The following IPMK variants were observed in gnomAD, a reference collection of about 807,000 sequenced individuals.
IPMK encodes the protein inositol 1,3,4,6-tetrakisphosphate 5-kinase.
A neutral mutation model predicts 45.8 loss-of-function variants in IPMK; 17 were observed. The observed-to-expected ratio is 0.37, with a 90% CI of 0.25 to 0.56. The LOEUF is 0.56. Among genes scored for constraint, IPMK ranks in the 20% least tolerant of loss-of-function variants. The pLI, the probability that IPMK is intolerant of heterozygous loss-of-function variation, is 0.79. For synonymous variants in IPMK, 180 were observed against 184.3 expected (o/e 0.98, Z 0.19); for missense variants, 399 against 498.0 (o/e 0.80, Z 1.89).
chr10:58,215,183 G>T (rs1330671639), intron 4 of IPMK, among the ~76,000 whole-genome samples: 1 of 152,182 alleles, frequency 6.6e-6, no homozygotes, highest in East Asian at 1.9e-4. Flanking sequence ...CAATTCTCTG[G>T]TTTTACATAC....
chr10:58,207,224 CG>C (rs1290670561), intron 4 of IPMK, among the ~76,000 whole-genome samples: 1 of 152,158 alleles, frequency 6.6e-6, no homozygotes, highest in African/African-American at 2.4e-5. Context: ...AGGATGGTCT[CG>C]ATCTCCTGAC....
chr10:58,192,119 C>T lies in IPMK; in HGVS notation c.*3957G>A, dbSNP rs1340971064. ...AGTAATGAGAATTTAAGTATTAACT[C>T]AAAAAAAGATAGAGGCTCCAAACTT... On this transcript the variant is annotated 3_prime_UTR_variant, in exon 6 of 6. Coordinates refer to ENST00000373935, the MANE Select transcript of IPMK (RefSeq NM_152230.5). The T allele has an allele frequency of 1.3e-5, 2 of 151,670 alleles. No individual in the cohort carries two copies. Among genetic ancestry groups the T allele is most frequent in the Non-Finnish European group, 2.9e-5 (2 of 67,832 alleles). 9.4% of individuals were successfully genotyped at this position (151,670 alleles called of 1,614,324 possible). A position where few individuals can be genotyped will look rare whatever the true frequency, so the allele number is the denominator to read the frequency against.
chr10:58,248,572 T>C (rs1838836953), intron 1 of IPMK, among the ~76,000 whole-genome samples: 1 of 152,224 alleles, frequency 6.6e-6, no homozygotes. Context: ...AAATATTCTC[T>C]TCTAGCTATT....
intron 1 of IPMK, among the ~76,000 whole-genome samples, chr10:58,241,139 G>A (rs966763738): frequency 5.3e-5 from 8 of 152,130 alleles, no homozygotes. Context: ...ACTGCTGGGG[G>A]TGGGAAGGAA....
intron 1 of IPMK, among the ~76,000 whole-genome samples, chr10:58,261,421 T>C (rs1442177440): frequency 6.6e-6 from 1 of 151,926 alleles, no homozygotes; most frequent in Non-Finnish European, 1.5e-5. Flanking sequence ...ATGTTAATGT[T>C]ATAAGCTTTC....
At chr10:58,207,218 T>A (rs916118575) in intron 4 of IPMK, among the ~76,000 whole-genome samples, 3 of 152,222 alleles carry the variant, frequency 2.0e-5, no homozygotes, top group African/African-American at 7.2e-5. Context: ...TTAGCTAGGA[T>A]GGTCTCGATC....
intron 3 of IPMK, among the ~76,000 whole-genome samples, chr10:58,226,185 A>G (rs1181618924): frequency 6.6e-6 from 1 of 152,174 alleles, no homozygotes; most frequent in African/African-American, 2.4e-5. Context: ...CCTGGCACGC[A>G]AAGTCATTAA....
chr10:58,215,886 C>A (rs933378851), intron 4 of IPMK, among the ~76,000 whole-genome samples: 14 of 151,968 alleles, frequency 9.2e-5, no homozygotes, highest in Admixed American at 2.6e-4. Flanking sequence ...GAATTATAGT[C>A]CTGAGATTCA....
At chr10:58,197,300 A>AAAATAAATACATAAATAAAT (rs1837913004) in intron 5 of IPMK, among the ~76,000 whole-genome samples, 1 of 83,288 alleles carries the variant, frequency 1.2e-5, no homozygotes. Flanking sequence ...CTCCGTCTCA[A>AAAATAAATACATAAATAAAT]AAATAAATAA....
At chr10:58,213,642 C>T (rs1304345409) in intron 4 of IPMK, among the ~76,000 whole-genome samples, 6 of 149,716 alleles carry the variant, frequency 4.0e-5, no homozygotes, top group Admixed American at 2.7e-4. Context: ...AGCAGAGATG[C>T]GACACTGCAC....
chr10:58,233,882 C>T (rs909198943), intron 2 of IPMK, among the ~76,000 whole-genome samples: 5 of 152,160 alleles, frequency 3.3e-5, no homozygotes, highest in Admixed American at 1.3e-4. Context: ...CAAATTGTCC[C>T]TGTTTGTAGA....
Position 58,227,179 on chromosome 10 carries a change from G to A in IPMK, c.277-40C>T, listed in dbSNP as rs1053022809. 4.4e-6 allele frequency: 6 copies of A among 1,364,160 alleles called. No homozygotes were observed. The African/African-American group carries it at 8.6e-5, about 20-fold the overall frequency. 84.5% of individuals were successfully genotyped at this position (1,364,160 alleles called of 1,614,324 possible). ...TATAACATTGCTAGATTCTTACAATGCTTTGTAACTGCCCTGCACATTTCT... is the reference window on the plus strand; with the variant it reads ...TATAACATTGCTAGATTCTTACAATACTTTGTAACTGCCCTGCACATTTCT... On this transcript the variant is annotated intron_variant, in intron 2 of 5. Coordinates refer to ENST00000373935, the MANE Select transcript of IPMK (RefSeq NM_152230.5).
intron 2 of IPMK, among the ~76,000 whole-genome samples, chr10:58,227,751 T>G (rs778137051): frequency 2.6e-5 from 4 of 151,780 alleles, no homozygotes; most frequent in Non-Finnish European, 4.4e-5. Flanking sequence ...CCATTAATAA[T>G]GCTAAAAGAT....
Position 58,267,857 on chromosome 10 carries a change from C to T in IPMK, c.-246G>A. 4.4e-6 allele frequency: 2 copies of T among 454,502 alleles called. No individual in the cohort carries two copies. The highest frequency in any genetic ancestry group is 6.4e-5 in the South Asian group (2 of 31,494). The allele number at this position is 454,502 out of a possible 1,614,324, so 28.2% of individuals were successfully genotyped here. A position where few individuals can be genotyped will look rare whatever the true frequency, so the allele number is the denominator to read the frequency against. On this transcript the variant is annotated 5_prime_UTR_variant, in exon 1 of 6. Transcript: ENST00000373935. Reference sequence around the variant, plus strand: ...TTCCTCTGCCGCCGCAGCCGCCGGCCCCGGCGCTGCCCGGTAGACAGAACC... The same window carrying T: ...TTCCTCTGCCGCCGCAGCCGCCGGCTCCGGCGCTGCCCGGTAGACAGAACC...
intron 2 of IPMK, among the ~76,000 whole-genome samples, chr10:58,232,167 C>A (rs1838533964): frequency 6.6e-6 from 1 of 152,116 alleles, no homozygotes; most frequent in African/African-American, 2.4e-5. Context: ...TACAGGAGCA[C>A]CCAGATTCAT....
chr10:58,258,275 A>G (rs2440853), intron 1 of IPMK, among the ~76,000 whole-genome samples: 51,446 of 152,028 alleles, frequency 0.34, 10,950 homozygotes, highest in African/African-American at 0.61. Flanking sequence ...ATGCCACTGC[A>G]CTCCAGCCTG....
intron 3 of IPMK, among the ~76,000 whole-genome samples, chr10:58,225,906 A>G (rs1195590996): frequency 6.6e-6 from 1 of 152,192 alleles, no homozygotes; most frequent in Non-Finnish European, 1.5e-5. Context: ...GGCAATCATA[A>G]TGACTTGTAA....
chr10:58,263,216 T>C (rs1397158776), intron 1 of IPMK, among the ~76,000 whole-genome samples: 1 of 151,858 alleles, frequency 6.6e-6, no homozygotes, highest in Non-Finnish European at 1.5e-5. Flanking sequence ...CCAGATCCCA[T>C]CTCTACAAAA....
rs1417195365 is a variant in IPMK at position 58,195,973 on chromosome 10, C to T, written c.*103G>A. ...AAAAGTATAAAGACAAATAAAATGT[C>T]GACTCATAATACAAATTTTTTACAT... On this transcript the variant is annotated 3_prime_UTR_variant, in exon 6 of 6. Transcript: ENST00000373935. 7.5e-5 allele frequency: 80 copies of T among 1,062,686 alleles called. No individual in the cohort carries two copies. The highest frequency in any genetic ancestry group is 1.3e-4 in the South Asian group (8 of 59,878). 65.8% of individuals were successfully genotyped at this position (1,062,686 alleles called of 1,614,324 possible). A position where few individuals can be genotyped will look rare whatever the true frequency, so the allele number is the denominator to read the frequency against.
Sources: gnomAD v4.1 joint callset for allele counts (sites outside exome capture counted in the v4.1 genomes callset) on GRCh38, gnomAD v4.1.1 for gene constraint, MANE v1.5 for transcripts, NCBI Gene and HGNC (gene_info 2026-07-23, HGNC 2026-07-21) for gene names.